RNF213: variants seen among roughly 807,000 people sequenced by gnomAD.
The protein encoded by RNF213 is ring finger protein 213.
RNF213 carries 341 observed loss-of-function variants against 514.4 expected under a neutral mutation model. The ratio of observed to expected loss-of-function variants is 0.66; its 90% confidence interval spans 0.61 to 0.73. The LOEUF (loss-of-function observed/expected upper bound fraction) is 0.73. Ranked by LOEUF, RNF213 falls within the 30% of genes least tolerant of loss-of-function variation. The probability of loss-of-function intolerance (pLI) is 0.00; values close to 1 mark genes in which losing one functional copy is unlikely to be tolerated. For missense variants in RNF213, 5,767 were observed against 6,615.6 expected, an observed-to-expected ratio of 0.87 and a Z score of 4.45; for synonymous variants, 2,655 against 2,658.2, an observed-to-expected ratio of 1.00 and a Z score of 0.04.
At chr17:80,380,327 ATG>A (rs1386765765) in intron 55 of RNF213, among the ~76,000 whole-genome samples, 1 of 152,138 alleles carries the variant, frequency 6.6e-6, no homozygotes, top group Non-Finnish European at 1.5e-5. Flanking sequence ...AAATACTTTC[ATG>A]TTATCTCCAG....
chr17:80,362,765 A>G (rs2079103181), intron 39 of RNF213, among the ~76,000 whole-genome samples: 1 of 152,236 alleles, frequency 6.6e-6, no homozygotes, highest in East Asian at 1.9e-4. Flanking sequence ...GAAAAATAAG[A>G]AATAGTTTAA....
chr17:80,301,214 C>G (rs551899274), intron 11 of RNF213, among the ~76,000 whole-genome samples: 1 of 152,020 alleles, frequency 6.6e-6, no homozygotes, highest in East Asian at 1.9e-4. Context: ...AAATCTTTGC[C>G]CATTCCTATG....
rs1158837025 is a variant in RNF213, at chr17:80,389,993, T to G, written c.15286-19T>G. The G allele has an allele frequency of 1.3e-5, 21 of 1,614,224 alleles. No homozygotes were observed. The highest frequency in any genetic ancestry group is 1.8e-5 in the Non-Finnish European group (21 of 1,180,030). On this transcript the variant is annotated intron_variant, in intron 66 of 67. Transcript: ENST00000582970. ...TCCCTGCAGGCTTTAATGCTTCATT[T>G]GCTCTTCCGTCGTTTTAGGAGCCAT...
At chr17:80,327,687 C>T in intron 18 of RNF213, 129 bp from the exon 19 acceptor site, 1 of 751,012 alleles carries the variant, frequency 1.3e-6, no homozygotes, top group Admixed American at 2.8e-5. Flanking sequence ...TCTGGAGACA[C>T]TGGCCAGCCA....
At chr17:80,315,837 G>A (rs1405528389) in intron 15 of RNF213, 4 of 42,584 alleles carry the variant, frequency 9.4e-5, no homozygotes, top group African/African-American at 3.2e-4. Context: ...TGATGGTGAT[G>A]GTGGTGGTGG....
At chr17:80,373,843 G>T (rs1035207745) in intron 49 of RNF213, among the ~76,000 whole-genome samples, 2 of 149,762 alleles carry the variant, frequency 1.3e-5, no homozygotes, top group Non-Finnish European at 3.0e-5. Flanking sequence ...CTACTTCAAA[G>T]AAAAAAAAAA....
intron 14 of RNF213, 65 bp from the exon 15 acceptor site, chr17:80,312,947 G>A: frequency 6.3e-7 from 1 of 1,587,122 alleles, no homozygotes; most frequent in Non-Finnish European, 8.6e-7. Context: ...AGGGGGTGCA[G>A]CATCTCGCCG....
rs200507140 is a variant in RNF213 at position 80,379,650 on chromosome 17, A to G, written c.13576A>G (p.Ile4526Val). Residue 4526 changes from isoleucine to valine, a missense_variant, in exon 55 of 68, where the codon ATT (isoleucine) becomes GTT (valine). By Grantham distance (29) the Ile-to-Val change is conservative. Transcript: ENST00000582970. ...CAGGCCGATGGAACAGAGCATCTGC[A>G]TTGACTGCCATGCGCCGATTGGAGG... is the stretch of plus-strand genomic sequence containing the variant. ...CGRPMEQSICIDCHAPIGGID... is the reference protein window; with the variant it reads ...CGRPMEQSICVDCHAPIGGID... 1.9e-5 allele frequency: 30 copies of G among 1,614,210 alleles called. No homozygotes were observed. Among genetic ancestry groups the G allele is most frequent in the Middle Eastern group, 3.3e-4 (2 of 6,062 alleles).
intron 2 of RNF213, among the ~76,000 whole-genome samples, chr17:80,269,838 A>G (rs1334547929): frequency 1.3e-5 from 2 of 152,196 alleles, no homozygotes; most frequent in African/African-American, 2.4e-5. Flanking sequence ...TGCTCTCTGG[A>G]TAACCCTGTT....
At chr17:80,287,497 G>T (rs2044513330) in intron 3 of RNF213, among the ~76,000 whole-genome samples, 1 of 152,178 alleles carries the variant, frequency 6.6e-6, no homozygotes, top group East Asian at 1.9e-4. Flanking sequence ...GGGAGACCTT[G>T]TCTCAAATAA....
At chr17:80,348,424 G>A (rs893276896) in intron 29 of RNF213, 138 bp downstream of exon 29, 17 of 1,264,396 alleles carry the variant, frequency 1.3e-5, no homozygotes, top group Admixed American at 5.4e-5. Flanking sequence ...GCTCTCCTCC[G>A]CGGTAAGTGT....
At chr17:80,329,836 A>G (rs2046367711) in intron 20 of RNF213, among the ~76,000 whole-genome samples, 1 of 152,182 alleles carries the variant, frequency 6.6e-6, no homozygotes, top group South Asian at 2.1e-4. Context: ...GTCTCAAAAA[A>G]TAAAATATTT....
At chr17:80,387,569 C>T (rs1046449222) in intron 63 of RNF213, among the ~76,000 whole-genome samples, 3 of 152,214 alleles carry the variant, frequency 2.0e-5, no homozygotes, top group Non-Finnish European at 2.9e-5. Flanking sequence ...GCATCCTGTA[C>T]GTTGGACTGC....
chr17:80,391,398 GT>G lies in RNF213; in HGVS notation c.15470+1203del, dbSNP rs1159261291. Among the ~76,000 whole-genome samples the G allele has an allele frequency of 2.6e-5, 4 of 151,944 alleles. No individual in the cohort carries two copies. In the East Asian group the frequency reaches 7.7e-4, roughly 29 times the overall value. ...CGATTCTCCTGCCTTAGCCTCCCTA[GT>G]AGCTGGGATTACAGGTGCCAACCAT... On this transcript the variant is annotated intron_variant, in intron 67 of 67. Transcript: ENST00000582970.
chr17:80,372,039 G>T, intron 47 of RNF213, 54 bp downstream of exon 47: 1 of 946,878 alleles, frequency 1.1e-6, no homozygotes, highest in South Asian at 1.3e-5. Context: ...TGAACCACAT[G>T]GTTTAAAATT....
rs916294373 is a variant in RNF213 at position 80,339,947 on chromosome 17, T to C, written c.5580T>C (p.Asp1860=). The change falls in exon 26 of 68, where the codon GAT becomes GAC. Residue 1860 remains aspartate, a synonymous_variant. Coordinates refer to ENST00000582970, the MANE Select transcript of RNF213 (RefSeq NM_001256071.3). ...CAAGCCAGCCCCTGCCCACTTACGA[T>C]GAGGTGCTGCTCTGCACCCCGGCAA... ...QTPSQPLPTY[D]EVLLCTPATT... is the part of the protein sequence containing the mutation. The C allele has an allele frequency of 6.5e-5, 100 of 1,536,832 alleles. No individual in the cohort carries two copies. Among genetic ancestry groups the C allele is most frequent in the Non-Finnish European group, 8.5e-5 (98 of 1,146,912 alleles).
chr17:80,383,755 A>G lies in RNF213; in HGVS notation c.14149A>G (p.Ile4717Val). ...KRISSNPVAK[I>V]IYGDPVTFLP... is the part of the protein sequence containing the mutation. ...TATCAGCTCTAACCCTGTGGCCAAA[A>G]TAATATATGGTGACCCAGTGACCTT... is the stretch of plus-strand genomic sequence containing the variant. Residue 4717 changes from isoleucine to valine, a missense_variant, in exon 59 of 68, where the codon ATA becomes GTA. Ile to Val is a conservative substitution (Grantham distance 29). Transcript: ENST00000582970. 6.2e-7 allele frequency: 1 copy of G among 1,614,158 alleles called. No individual in the cohort carries two copies. The highest frequency in any genetic ancestry group is 8.5e-7 in the Non-Finnish European group (1 of 1,180,022).
intron 7 of RNF213, 35 bp downstream of exon 7, chr17:80,290,763 AG>A: frequency 6.2e-7 from 1 of 1,613,358 alleles, no homozygotes; most frequent in African/African-American, 1.3e-5. Flanking sequence ...GGAATCCCTC[AG>A]GGAAGGCATA....
At position 80,393,568 on chromosome 17, in the gene RNF213, C is replaced by A; in HGVS notation, c.*70C>A. 1 of 1,533,610 alleles carries A rather than the reference C, an allele frequency of 6.5e-7. No individual in the cohort carries two copies. Among genetic ancestry groups the A allele is most frequent in the Admixed American group, 1.7e-5 (1 of 59,596 alleles). The stretch of plus-strand genomic sequence containing the variant: ...CCTCTCTCCTCGTCTGCGGCGTGGA[C>A]TTGATCATGGACTGGTGCCTTTGCA... On this transcript the variant is annotated 3_prime_UTR_variant, in exon 68 of 68. Coordinates refer to ENST00000582970, the MANE Select transcript of RNF213 (RefSeq NM_001256071.3).
Sources: gnomAD v4.1 joint callset for allele counts (sites outside exome capture counted in the v4.1 genomes callset) on GRCh38, gnomAD v4.1.1 for gene constraint, MANE v1.5 for transcripts, NCBI Gene and HGNC (gene_info 2026-07-23, HGNC 2026-07-21) for gene names.